Variants in CFAP61 observed in about 807,000 individuals in gnomAD.
CFAP61 encodes cilia- and flagella-associated protein 61.
Under a neutral mutation model 135.6 loss-of-function variants are expected in CFAP61, and 107 were observed. The observed-to-expected ratio is 0.79, with a 90% CI of 0.67 to 0.93. CFAP61 has a LOEUF of 0.93. Among genes scored for constraint, CFAP61 ranks in the 40% least tolerant of loss-of-function variants. The pLI is 0.00. For missense variants in CFAP61, 1,507 were observed against 1,556.2 expected (o/e 0.97, Z 0.53); for synonymous variants, 575 against 578.5 (o/e 0.99, Z 0.09).
At chr20:20,142,018 C>G (rs1012820465) in intron 8 of CFAP61, among the ~76,000 whole-genome samples, 14 of 152,078 alleles carry the variant, frequency 9.2e-5, no homozygotes, top group African/African-American at 3.4e-4. Context: ...CTGAGAACTC[C>G]CAGCAGAGCG....
At chr20:20,327,337 A>G (rs2057789916) in intron 25 of CFAP61, among the ~76,000 whole-genome samples, 1 of 152,134 alleles carries the variant, frequency 6.6e-6, no homozygotes, top group African/African-American at 2.4e-5. Context: ...CTTGCCTTTT[A>G]TGGGAAAGAG....
At position 20,211,638 on chromosome 20, in the gene CFAP61, G is replaced by A. The variant is rs576649432; in HGVS notation, c.1932+11736G>A. 8.5e-5 allele frequency among the ~76,000 whole-genome samples: 13 copies of A among 152,232 alleles called. No homozygotes were observed. The South Asian group carries it at 2.3e-3, about 27-fold the overall frequency. On this transcript the variant is annotated intron_variant, in intron 17 of 26. Transcript: ENST00000245957. Reference sequence around the variant, plus strand: ...GCAGGCATGAGCCATTTGGTCCGTCGAAACCCATGGCAATAAACATAAATT... The same window carrying A: ...GCAGGCATGAGCCATTTGGTCCGTCAAAACCCATGGCAATAAACATAAATT...
intron 10 of CFAP61, 131 bp from the exon 11 acceptor site, chr20:20,163,919 A>T: frequency 1.6e-6 from 1 of 612,042 alleles, no homozygotes; most frequent in Non-Finnish European, 2.7e-6. Flanking sequence ...CTGGCCCAGG[A>T]TGAGTTGTTT....
At chr20:20,146,131 G>A (rs2051862336) in intron 9 of CFAP61, among the ~76,000 whole-genome samples, 1 of 152,172 alleles carries the variant, frequency 6.6e-6, no homozygotes, top group Admixed American at 6.5e-5. Context: ...TCTGGATGCT[G>A]CATATGGAAC....
At chr20:20,065,616 GAA>G (rs11445024) in intron 2 of CFAP61, among the ~76,000 whole-genome samples, 1 of 136,272 alleles carries the variant, frequency 7.3e-6, no homozygotes, top group African/African-American at 2.8e-5. Flanking sequence ...TAGACATTTT[GAA>G]AAAAAAAAAA....
intron 24 of CFAP61, 105 bp from the exon 25 acceptor site, chr20:20,298,076 G>C (rs980348329): frequency 1.3e-6 from 1 of 754,492 alleles, no homozygotes; most frequent in Non-Finnish European, 2.3e-6. Context: ...AGAGGGATAA[G>C]ATATAACCTG....
At chr20:20,274,386 T>C (rs2424315) in intron 21 of CFAP61, among the ~76,000 whole-genome samples, 64,161 of 152,054 alleles carry the variant, frequency 0.42, 13,815 homozygotes, top group Non-Finnish European at 0.45. Flanking sequence ...TTGGGCCAGA[T>C]GCAGAGGCTC....
At position 20,123,592 on chromosome 20, in the gene CFAP61, C is replaced by A. The variant is rs145726604; in HGVS notation, c.860-19265C>A. On this transcript the variant is annotated intron_variant, in intron 8 of 26. Transcript: ENST00000245957. ...TTATTTCTGGGTTCTCTATTCTGTT[C>A]CATTGGTCTATGTGCCGATTTTTAT... is the stretch of plus-strand genomic sequence containing the variant. Among the ~76,000 whole-genome samples the A allele has an allele frequency of 8.8e-4, 133 of 151,786 alleles. 4 individuals carry two copies. The East Asian group carries it at 0.023, about 26-fold the overall frequency.
chr20:20,192,654 C>A (rs1301017255), intron 15 of CFAP61, among the ~76,000 whole-genome samples: 1 of 152,100 alleles, frequency 6.6e-6, no homozygotes, highest in African/African-American at 2.4e-5. Context: ...GTAAATATTA[C>A]CTTTGTTAAA....
At chr20:20,279,430 A>AAC (rs1264445209) in intron 22 of CFAP61, among the ~76,000 whole-genome samples, 1 of 152,238 alleles carries the variant, frequency 6.6e-6, no homozygotes, top group Admixed American at 6.5e-5. Flanking sequence ...CCATAAAGTA[A>AAC]ACTAGAGAAA....
chr20:20,187,801 C>T, intron 13 of CFAP61, 129 bp from the exon 14 acceptor site: 2 of 671,692 alleles, frequency 3.0e-6, no homozygotes, highest in Non-Finnish European at 5.0e-6. Context: ...ACTCAAACCC[C>T]AGTGTTATAT....
intron 24 of CFAP61, among the ~76,000 whole-genome samples, chr20:20,296,371 C>T (rs1170197762): frequency 1.4e-5 from 1 of 72,670 alleles, no homozygotes; most frequent in Non-Finnish European, 2.9e-5. Flanking sequence ...TTTCTTCATC[C>T]CTCCTTCCCT....
At chr20:20,186,415 A>G (rs1300205601) in intron 13 of CFAP61, among the ~76,000 whole-genome samples, 2 of 152,192 alleles carry the variant, frequency 1.3e-5, no homozygotes, top group South Asian at 4.1e-4. Context: ...CTGTTTATCC[A>G]TTCATCAATT....
intron 25 of CFAP61, among the ~76,000 whole-genome samples, chr20:20,341,372 G>A (rs563356487): frequency 7.9e-5 from 12 of 152,284 alleles, no homozygotes; most frequent in South Asian, 2.1e-4. Context: ...GCAACCGTGC[G>A]AACAGCATGT....
At chr20:20,141,018 G>T (rs925722950) in intron 8 of CFAP61, among the ~76,000 whole-genome samples, 1 of 151,744 alleles carries the variant, frequency 6.6e-6, no homozygotes. Context: ...CGCCTCCCAG[G>T]TTCAAGTGAT....
chr20:20,201,506 G>A (rs933151460), intron 17 of CFAP61, among the ~76,000 whole-genome samples: 2 of 152,214 alleles, frequency 1.3e-5, no homozygotes, highest in African/African-American at 4.8e-5. Context: ...GACGTGCCTA[G>A]CCCACCTGGA....
chr20:20,178,599 ACTG>A (rs1289122998), intron 13 of CFAP61, among the ~76,000 whole-genome samples: 1 of 152,242 alleles, frequency 6.6e-6, no homozygotes, highest in Non-Finnish European at 1.5e-5. Flanking sequence ...ATAAATATTT[ACTG>A]CTGAGTTAGA....
intron 13 of CFAP61, among the ~76,000 whole-genome samples, chr20:20,181,244 A>G (rs28628024): frequency 2.8e-5 from 4 of 143,194 alleles, no homozygotes; most frequent in South Asian, 2.2e-4. Flanking sequence ...TTTTATGTGT[A>G]TATATATAAC....
At chr20:20,337,500 G>GGGTGGATGGATGGATGGATAGATGGATA (rs2058261037) in intron 25 of CFAP61, among the ~76,000 whole-genome samples, 5 of 9,738 alleles carry the variant, frequency 5.1e-4, no homozygotes, top group Admixed American at 9.8e-4. Flanking sequence ...ATAGATGGGT[G>GGGTGGATGGATGGATGGATAGATGGATA]GATGGATAAA....
Sources: allele counts gnomAD v4.1 joint callset (sites outside exome capture counted in the v4.1 genomes callset), GRCh38; gene constraint gnomAD v4.1.1; transcripts MANE v1.5; gene names NCBI Gene and HGNC (gene_info 2026-07-23, HGNC 2026-07-21).